The following FRRS1L variants were observed in gnomAD, a reference collection of about 807,000 sequenced individuals.
The protein encoded by FRRS1L is ferric chelate reductase 1 like, also known as DOMON domain-containing protein FRRS1L.
FRRS1L carries 22 observed loss-of-function variants against 28.6 expected under a neutral mutation model. That is an observed-to-expected ratio of 0.77 (90% CI 0.55 to 1.10). FRRS1L has a LOEUF of 1.10. Among genes scored for constraint, FRRS1L ranks in the 50% least tolerant of loss-of-function variants. FRRS1L has a pLI of 0.00. For synonymous variants in FRRS1L, 158 were observed against 151.4 expected (o/e 1.04, Z -0.32); for missense variants, 380 against 386.9 (o/e 0.98, Z 0.15).
At chr9:109,143,936 A>T (rs2118474851) in intron 3 of FRRS1L, among the ~76,000 whole-genome samples, 1 of 152,232 alleles carries the variant, frequency 6.6e-6, no homozygotes, top group Non-Finnish European at 1.5e-5. Context: ...AAAAAAAGAG[A>T]CCTCTACTTT....
chr9:109,166,425 T>G (rs1831550129), intron 1 of FRRS1L, among the ~76,000 whole-genome samples: 1 of 152,100 alleles, frequency 6.6e-6, no homozygotes, highest in Non-Finnish European at 1.5e-5. Context: ...TGGGCGCTGG[T>G]CACTGCAAAT....
Position 109,167,012 on chromosome 9 carries a change from G to A in FRRS1L, c.127C>T (p.Arg43Trp). The A allele has an allele frequency of 1.6e-6, 2 of 1,229,662 alleles. No homozygotes were observed. Among genetic ancestry groups the A allele is most frequent in the Non-Finnish European group, 2.0e-6 (2 of 986,594 alleles). 76.2% of individuals were successfully genotyped at this position (1,229,662 alleles called of 1,614,324 possible). The change falls in exon 1 of 5, where the codon CGG (arginine) becomes TGG (tryptophan). Residue 43 changes from arginine (R) to tryptophan (W), a missense_variant. By Grantham distance (101) the Arg-to-Trp change is moderately radical. Coordinates refer to ENST00000561981, the MANE Select transcript of FRRS1L (RefSeq NM_014334.4). Reference protein sequence around the residue: ...DGAGPGGRGPRGRARGDTGAD... With the variant: ...DGAGPGGRGPWGRARGDTGAD... Reference sequence around the variant, plus strand: ...CCCGTGTCCCCCCGCGCGCGTCCCCGGGGTCCCCGGCCCCCCGGGCCCGCA... The same window carrying A: ...CCCGTGTCCCCCCGCGCGCGTCCCCAGGGTCCCCGGCCCCCCGGGCCCGCA...
intron 3 of FRRS1L, among the ~76,000 whole-genome samples, chr9:109,146,024 C>A (rs1409228201): frequency 1.3e-5 from 2 of 152,020 alleles, no homozygotes; most frequent in Non-Finnish European, 2.9e-5. Context: ...GGTGAAACCT[C>A]GTCTCTACTA....
chr9:109,162,054 G>T (rs116889536), intron 1 of FRRS1L, among the ~76,000 whole-genome samples: 9 of 152,198 alleles, frequency 5.9e-5, no homozygotes, highest in Admixed American at 1.3e-4. Context: ...GGTGGCTCAC[G>T]CATGTAATTC....
chr9:109,156,199 G>T (rs1831401150), intron 1 of FRRS1L, among the ~76,000 whole-genome samples: 1 of 152,044 alleles, frequency 6.6e-6, no homozygotes, highest in East Asian at 1.9e-4. Flanking sequence ...TTCATACACA[G>T]TTTATCTGTA....
At chr9:109,141,160 TATA>T (rs1319738616) in intron 4 of FRRS1L, 180 bp downstream of exon 4, 4 of 633,030 alleles carry the variant, frequency 6.3e-6, no homozygotes, top group Non-Finnish European at 5.5e-6. Flanking sequence ...TGTTTGTCCG[TATA>T]ATAAGTCCAT....
chr9:109,162,562 C>T (rs1251094447), intron 1 of FRRS1L, among the ~76,000 whole-genome samples: 1 of 152,180 alleles, frequency 6.6e-6, no homozygotes, highest in Non-Finnish European at 1.5e-5. Context: ...CACAGTGTTG[C>T]TATAAGGATT....
chr9:109,166,611 C>T (rs1321872308), intron 1 of FRRS1L, among the ~76,000 whole-genome samples: 1 of 152,060 alleles, frequency 6.6e-6, no homozygotes, highest in Non-Finnish European at 1.5e-5. Context: ...CAGCACCCAC[C>T]CCTATCCACA....
chr9:109,167,189 CGCGGG>C lies in FRRS1L; in HGVS notation c.-56_-52del. On this transcript the variant is annotated 5_prime_UTR_variant, in exon 1 of 5. Coordinates refer to ENST00000561981, the MANE Select transcript of FRRS1L (RefSeq NM_014334.4). ...GCCGCTCGGGCCGCAGCGGGGGCGC[CGCGGG>C]CGCGGGCCGGGACTGAGCCTCCGCC... 1 of 1,166,090 alleles carries C rather than the reference CGCGGG, an allele frequency of 8.6e-7. No individual in the cohort carries two copies. Among genetic ancestry groups the C allele is most frequent in the Non-Finnish European group, 1.1e-6 (1 of 948,324 alleles). The allele number at this position is 1,166,090 out of a possible 1,614,324, so 72.2% of individuals were successfully genotyped here. A position where few individuals can be genotyped will look rare whatever the true frequency, so the allele number is the denominator to read the frequency against.
chr9:109,166,775 G>C, intron 1 of FRRS1L, 126 bp downstream of exon 1: 1 of 492,740 alleles, frequency 2.0e-6, no homozygotes, highest in Non-Finnish European at 3.1e-6. Context: ...CTCTGCAAGA[G>C]CTGCCTCCAC....
In FRRS1L at chr9:109,133,196, A is replaced by C. The variant is rs1831075481; in HGVS notation, c.*4259T>G. 1 of 152,252 alleles carries C rather than the reference A, an allele frequency of 6.6e-6. No individual in the cohort carries two copies. The highest frequency in any genetic ancestry group is 2.1e-4 in the South Asian group (1 of 4,832). 9.4% of individuals were successfully genotyped at this position (152,252 alleles called of 1,614,324 possible). On this transcript the variant is annotated 3_prime_UTR_variant, in exon 5 of 5. Transcript: ENST00000561981. The stretch of plus-strand genomic sequence containing the variant: ...GCAATAAAAAAAGCACTGGGCTCCA[A>C]GTTAGAAGACCTAGGTTTTAGGCAA...
At chr9:109,157,504 A>C (rs1831425902) in intron 1 of FRRS1L, among the ~76,000 whole-genome samples, 1 of 152,132 alleles carries the variant, frequency 6.6e-6, no homozygotes, top group Non-Finnish European at 1.5e-5. Flanking sequence ...CTCCTGCCTC[A>C]GCACCCTGAG....
chr9:109,167,104 C>A lies in FRRS1L; in HGVS notation c.35G>T (p.Trp12Leu), dbSNP rs1831564794. 8.5e-7 allele frequency: 1 copy of A among 1,179,450 alleles called. No homozygotes were observed. The highest frequency in any genetic ancestry group is 1.0e-6 in the Non-Finnish European group (1 of 955,446). The allele number at this position is 1,179,450 out of a possible 1,614,324, so 73.1% of individuals were successfully genotyped here. A position where few individuals can be genotyped will look rare whatever the true frequency, so the allele number is the denominator to read the frequency against. Residue 12 changes from tryptophan (W) to leucine (L), a missense_variant, in exon 1 of 5, where the codon TGG (tryptophan) becomes TTG (leucine). Coordinates refer to ENST00000561981, the MANE Select transcript of FRRS1L (RefSeq NM_014334.4). ...CAGTAGCAGCAGGAGCAGCGACGCC[C>A]AGACCCCCGGGTGCTGCCGGGGCGG... The part of the protein sequence containing the change: ...ARPPRQHPGV[W>L]ASLLLLLLTG...
chr9:109,147,527 G>GT (rs575412947), intron 2 of FRRS1L: 119 of 184,716 alleles, frequency 6.4e-4, no homozygotes, highest in African/African-American at 2.7e-3. Context: ...TTACATGTTA[G>GT]TTACTACTGA....
intron 3 of FRRS1L, among the ~76,000 whole-genome samples, chr9:109,143,400 C>G (rs1831213502): frequency 6.6e-6 from 1 of 152,100 alleles, no homozygotes; most frequent in Admixed American, 6.5e-5. Flanking sequence ...ATGGGGGAGG[C>G]TCCCCAGGGG....
intron 4 of FRRS1L, chr9:109,139,613 A>G (rs1390383031): frequency 6.6e-6 from 1 of 152,200 alleles, no homozygotes; most frequent in Non-Finnish European, 1.5e-5. Flanking sequence ...AAATTTTTAG[A>G]CTTCAAATCC....
intron 4 of FRRS1L, chr9:109,141,100 G>GACAT: frequency 1.8e-6 from 1 of 557,840 alleles, no homozygotes; most frequent in Admixed American, 3.1e-5. Flanking sequence ...CATCACTCAT[G>GACAT]ACATACTATC....
chr9:109,159,397 G>A (rs776678844), intron 1 of FRRS1L, among the ~76,000 whole-genome samples: 18 of 152,178 alleles, frequency 1.2e-4, no homozygotes, highest in African/African-American at 1.7e-4. Context: ...TGGGCCGGGC[G>A]TGGTGGCTCA....
At chr9:109,158,853 T>C (rs943445260) in intron 1 of FRRS1L, among the ~76,000 whole-genome samples, 1 of 152,266 alleles carries the variant, frequency 6.6e-6, no homozygotes, top group African/African-American at 2.4e-5. Context: ...TGCTGCATCA[T>C]ATGGTAATTC....
Sources: gnomAD v4.1 joint callset for allele counts (sites outside exome capture counted in the v4.1 genomes callset) on GRCh38, gnomAD v4.1.1 for gene constraint, MANE v1.5 for transcripts, NCBI Gene and HGNC (gene_info 2026-07-23, HGNC 2026-07-21) for gene names.